Variants in DGKB observed in about 807,000 individuals in gnomAD.
DGKB encodes the protein diacylglycerol kinase beta, also known as 90 kDa diacylglycerol kinase.
A neutral mutation model predicts 114.3 loss-of-function variants in DGKB; 67 were observed. That is an observed-to-expected ratio of 0.59 (90% CI 0.48 to 0.72). The LOEUF (loss-of-function observed/expected upper bound fraction) is 0.72, where lower values mean the gene tolerates loss of function less well. Ranked by LOEUF, DGKB falls within the 30% of genes least tolerant of loss-of-function variation. The probability of loss-of-function intolerance (pLI) is 0.00; values close to 1 mark genes in which losing one functional copy is unlikely to be tolerated. For missense variants in DGKB, 907 were observed against 975.2 expected, an observed-to-expected ratio of 0.93 and a Z score of 0.93; for synonymous variants, 398 against 323.1, an observed-to-expected ratio of 1.23 and a Z score of -2.49.
chr7:14,243,362 G>T (rs1048657729), intron 23 of DGKB, among the ~76,000 whole-genome samples: 1 of 152,172 alleles, frequency 6.6e-6, no homozygotes, highest in Non-Finnish European at 1.5e-5. Flanking sequence ...AAAGGCCAAA[G>T]ACAGTGAGTA....
intron 23 of DGKB, among the ~76,000 whole-genome samples, chr7:14,222,440 AATTTCCCAT>A (rs1562660417): frequency 1.3e-5 from 2 of 151,040 alleles, no homozygotes; most frequent in Non-Finnish European, 3.0e-5. Context: ...AATGTTAGTA[AATTTCCCAT>A]ATTTCTTTTG....
chr7:14,254,802 T>TA (rs2128398890), intron 23 of DGKB, among the ~76,000 whole-genome samples: 1 of 152,158 alleles, frequency 6.6e-6, no homozygotes, highest in Non-Finnish European at 1.5e-5. Flanking sequence ...AAATAAGAAA[T>TA]AAAAAATAGA....
intron 9 of DGKB, among the ~76,000 whole-genome samples, chr7:14,689,509 G>C (rs932612643): frequency 3.3e-5 from 5 of 152,096 alleles, no homozygotes; most frequent in African/African-American, 1.2e-4. Flanking sequence ...GCTCTATTAG[G>C]CCTGGGCAAA....
chr7:14,830,181 C>T (rs899802396), intron 2 of DGKB, among the ~76,000 whole-genome samples: 4 of 151,864 alleles, frequency 2.6e-5, no homozygotes, highest in African/African-American at 9.7e-5. Flanking sequence ...ATTTTTTTCC[C>T]ATTAGAAACA....
intron 2 of DGKB, among the ~76,000 whole-genome samples, chr7:14,819,061 CT>C (rs1359192946): frequency 6.6e-6 from 1 of 152,136 alleles, no homozygotes; most frequent in Non-Finnish European, 1.5e-5. Context: ...CTTCCACTTC[CT>C]GCTGGTTTTC....
chr7:14,845,253 T>C (rs1443577377), intron 1 of DGKB, among the ~76,000 whole-genome samples: 2 of 152,038 alleles, frequency 1.3e-5, no homozygotes, highest in African/African-American at 4.8e-5. Context: ...TAACCATGTA[T>C]CAAGGCTCAC....
chr7:14,889,618 T>G (rs986403641), intron 1 of DGKB, among the ~76,000 whole-genome samples: 1 of 151,342 alleles, frequency 6.6e-6, no homozygotes, highest in African/African-American at 2.4e-5. Context: ...CCTTGAATAG[T>G]AACAGACCAC....
chr7:14,494,360 T>C (rs1447844907), intron 20 of DGKB, among the ~76,000 whole-genome samples: 1 of 150,828 alleles, frequency 6.6e-6, no homozygotes, highest in African/African-American at 2.4e-5. Context: ...TAACAAAATG[T>C]ATAAGCATCT....
At chr7:14,276,258 C>T (rs912773398) in intron 23 of DGKB, among the ~76,000 whole-genome samples, 3 of 152,166 alleles carry the variant, frequency 2.0e-5, no homozygotes, top group African/African-American at 7.2e-5. Flanking sequence ...GCATCATTCT[C>T]ATTGCAGAAC....
intron 23 of DGKB, among the ~76,000 whole-genome samples, chr7:14,276,411 A>G (rs1798997586): frequency 6.6e-6 from 1 of 152,190 alleles, no homozygotes; most frequent in Admixed American, 6.5e-5. Context: ...CAATTACAGT[A>G]TGTCTACATG....
In DGKB at chr7:14,241,943, T is replaced by C. The variant is rs374675914; in HGVS notation, c.2123-63792A>G. Among the ~76,000 whole-genome samples, 11 of 73,350 alleles carry C rather than the reference T, an allele frequency of 1.5e-4. No individual in the cohort carries two copies. In the South Asian group the frequency reaches 3.4e-3, roughly 23 times the overall value. The allele number at this position is 73,350 out of a possible 152,430, so 48.1% of individuals were successfully genotyped here. On this transcript the variant is annotated intron_variant, in intron 23 of 25. Transcript: ENST00000402815. ...ATACACACACACACATATAGATATA[T>C]ACACACACACATATACACACACACA... is the stretch of plus-strand genomic sequence containing the variant.
intron 15 of DGKB, among the ~76,000 whole-genome samples, chr7:14,620,219 TATA>T (rs1470025287): frequency 1.3e-5 from 2 of 151,344 alleles, no homozygotes; most frequent in Non-Finnish European, 3.0e-5. Context: ...TTCTCTAATA[TATA>T]ATAATTTTAT....
chr7:14,774,748 A>T (rs896547306), intron 2 of DGKB, among the ~76,000 whole-genome samples: 1 of 152,140 alleles, frequency 6.6e-6, no homozygotes, highest in Non-Finnish European at 1.5e-5. Context: ...AATTTATCTC[A>T]ATTTTTGAGA....
intron 2 of DGKB, among the ~76,000 whole-genome samples, chr7:14,821,825 C>G (rs373519685): frequency 1.3e-5 from 2 of 152,182 alleles, no homozygotes; most frequent in African/African-American, 4.8e-5. Flanking sequence ...GGCAAGAAGA[C>G]CAAGAAGGAG....
chr7:14,399,774 C>CG (rs2128723552), intron 21 of DGKB, among the ~76,000 whole-genome samples: 1 of 151,894 alleles, frequency 6.6e-6, no homozygotes, highest in Admixed American at 6.6e-5. Context: ...TTGAAAAAGT[C>CG]ATTCCTCTTG....
chr7:14,748,952 C>T (rs183482453), intron 4 of DGKB, among the ~76,000 whole-genome samples: 19 of 152,180 alleles, frequency 1.2e-4, no homozygotes, highest in South Asian at 6.2e-4. Flanking sequence ...AAATACTATG[C>T]GCTTACTGGG....
chr7:14,604,567 A>G (rs1259268445), intron 17 of DGKB, among the ~76,000 whole-genome samples: 1 of 152,202 alleles, frequency 6.6e-6, no homozygotes, highest in Non-Finnish European at 1.5e-5. Flanking sequence ...TAGCATTGGA[A>G]AAGTAATAAA....
chr7:14,345,176 A>G, intron 22 of DGKB, 125 bp downstream of exon 22: 1 of 577,464 alleles, frequency 1.7e-6, no homozygotes. Flanking sequence ...ACAATTTAAA[A>G]TCTTGAGTAA....
chr7:14,907,165 C>T (rs944471050), upstream of DGKB, among the ~76,000 whole-genome samples: 3 of 152,156 alleles, frequency 2.0e-5, no homozygotes, highest in Non-Finnish European at 4.4e-5. Flanking sequence ...TATTGCACTC[C>T]CCTTGAAAAG....
Sources: allele counts gnomAD v4.1 joint callset (sites outside exome capture counted in the v4.1 genomes callset), GRCh38; gene constraint gnomAD v4.1.1; transcripts MANE v1.5; gene names NCBI Gene and HGNC (gene_info 2026-07-23, HGNC 2026-07-21).